Variants in SMG6 observed in about 807,000 individuals in gnomAD.
The protein encoded by SMG6 is SMG6 nonsense mediated mRNA decay factor.
In SMG6, 66 loss-of-function variants were observed where a neutral mutation model predicts 142.2. That is an observed-to-expected ratio of 0.46 (90% confidence interval 0.38 to 0.57). The LOEUF (loss-of-function observed/expected upper bound fraction) is 0.57. SMG6 is among the 20% of genes least tolerant of loss of function. The pLI is 0.00. For missense variants in SMG6, 1,793 were observed against 1,832.0 expected (o/e 0.98, Z 0.39); for synonymous variants, 779 against 702.4 (o/e 1.11, Z -1.72).
chr17:2,275,505 C>G (rs546634883), intron 8 of SMG6, among the ~76,000 whole-genome samples: 2 of 152,310 alleles, frequency 1.3e-5, no homozygotes, highest in East Asian at 3.9e-4. Context: ...CCCCAGCAGA[C>G]AGACATGTAT....
At chr17:2,242,823 T>A (rs1216258128) in intron 9 of SMG6, among the ~76,000 whole-genome samples, 1 of 151,764 alleles carries the variant, frequency 6.6e-6, no homozygotes. Context: ...TATCATCTTA[T>A]CCACCTTCAA....
intron 10 of SMG6, among the ~76,000 whole-genome samples, chr17:2,193,934 G>A (rs989902397): frequency 1.2e-4 from 19 of 152,154 alleles, no homozygotes; most frequent in African/African-American, 4.3e-4. Flanking sequence ...GGGTTCAAGC[G>A]ATTCTTCCGC....
At chr17:2,171,141 G>A (rs2071489209) in intron 13 of SMG6, among the ~76,000 whole-genome samples, 1 of 151,916 alleles carries the variant, frequency 6.6e-6, no homozygotes, top group Non-Finnish European at 1.5e-5. Flanking sequence ...AGGTATGAAG[G>A]TGGGTGCCTG....
At chr17:2,118,381 A>G (rs2069573765) in intron 13 of SMG6, among the ~76,000 whole-genome samples, 1 of 152,188 alleles carries the variant, frequency 6.6e-6, no homozygotes, top group Non-Finnish European at 1.5e-5. Context: ...TCTACTAAAA[A>G]TACAAAAATT....
Position 2,186,684 on chromosome 17 carries a change from G to A in SMG6, c.3134C>T (p.Thr1045Ile). ...TCACTGCGAGGGCAGATCCAGGGAT[G>A]TGGGAGGAGGATTCCAGGTGTCCGG... is the stretch of plus-strand genomic sequence containing the variant. ...GYPDTWNPPP[T>I]SLDLPSHVAV... Residue 1045 changes from threonine (T) to isoleucine (I), a missense_variant, in exon 12 of 19, where the codon ACA becomes ATA. Around this residue, in one of 3 missense-constraint regions of SMG6, gnomAD observed 1,597 missense variants for 1,584.6 expected, o/e 1.01. Transcript: ENST00000263073. 2 of 1,614,240 alleles carry A rather than the reference G, an allele frequency of 1.2e-6. No homozygotes were observed. Among genetic ancestry groups the A allele is most frequent in the Non-Finnish European group, 8.5e-7 (1 of 1,180,036 alleles).
chr17:2,082,914 G>A (rs946702569), intron 14 of SMG6, among the ~76,000 whole-genome samples: 2 of 152,108 alleles, frequency 1.3e-5, no homozygotes, highest in African/African-American at 2.4e-5. Flanking sequence ...GCCAGGTACC[G>A]GGCTACCCAT....
At chr17:2,092,267 G>C (rs1189453579) in intron 13 of SMG6, among the ~76,000 whole-genome samples, 1 of 152,108 alleles carries the variant, frequency 6.6e-6, no homozygotes, top group Non-Finnish European at 1.5e-5. Flanking sequence ...TAATCCCGGT[G>C]TCCAGATCCA....
Position 2,196,293 on chromosome 17 carries a change from G to A in SMG6, c.2870-7778C>T, listed in dbSNP as rs556249008. Among the ~76,000 whole-genome samples the A allele has an allele frequency of 6.6e-5, 10 of 152,214 alleles. No homozygotes were observed. In the East Asian group the frequency reaches 7.7e-4, roughly 12 times the overall value. ...AAAAATTAGCTGGGCGTGGCGGCGCGTGCCTGTAATCCCAGCTACTCGGGA... is the reference window on the plus strand; with the variant it reads ...AAAAATTAGCTGGGCGTGGCGGCGCATGCCTGTAATCCCAGCTACTCGGGA... On this transcript the variant is annotated intron_variant, in intron 10 of 18. Coordinates refer to ENST00000263073, the MANE Select transcript of SMG6 (RefSeq NM_017575.5).
chr17:2,100,310 T>C (rs149261211), intron 13 of SMG6, among the ~76,000 whole-genome samples: 1 of 152,308 alleles, frequency 6.6e-6, no homozygotes, highest in East Asian at 1.9e-4. Flanking sequence ...AGTGTTCAAG[T>C]ACAGGAGTGA....
chr17:2,208,867 T>C (rs1445419104), intron 10 of SMG6, among the ~76,000 whole-genome samples: 2 of 152,188 alleles, frequency 1.3e-5, no homozygotes, highest in South Asian at 2.1e-4. Flanking sequence ...ACACGTATCG[T>C]GGGATAGATA....
chr17:2,105,376 T>C (rs1006416015), intron 13 of SMG6, among the ~76,000 whole-genome samples: 1 of 150,706 alleles, frequency 6.6e-6, no homozygotes, highest in Non-Finnish European at 1.5e-5. Context: ...TGAAACCCAA[T>C]CTCTACTAAA....
At chr17:2,125,297 G>A (rs2069836539) in intron 13 of SMG6, among the ~76,000 whole-genome samples, 1 of 152,084 alleles carries the variant, frequency 6.6e-6, no homozygotes, top group African/African-American at 2.4e-5. Flanking sequence ...TTCTAACCAT[G>A]CATTCCATAC....
At chr17:2,268,255 C>G (rs985298161) in intron 8 of SMG6, among the ~76,000 whole-genome samples, 2 of 152,034 alleles carry the variant, frequency 1.3e-5, no homozygotes, top group Non-Finnish European at 1.5e-5. Flanking sequence ...AACTATAAAC[C>G]TAAAGCCTCA....
At chr17:2,217,887 G>A (rs2073061310) in intron 10 of SMG6, among the ~76,000 whole-genome samples, 1 of 152,042 alleles carries the variant, frequency 6.6e-6, no homozygotes, top group Admixed American at 6.6e-5. Flanking sequence ...GCGCACACCT[G>A]TAGTCCCAGC....
rs1399798744 is a variant in SMG6 at position 2,068,245 on chromosome 17, C to A, written c.3835+533G>T. Among the ~76,000 whole-genome samples the A allele has an allele frequency of 6.6e-6, 1 of 152,240 alleles. No homozygotes were observed. The highest frequency in any genetic ancestry group is 1.5e-5 in the Non-Finnish European group (1 of 68,044). On this transcript the variant is annotated intron_variant, in intron 16 of 18. Transcript: ENST00000263073. The surrounding 1 kb of genome is among the most constrained non-coding windows in gnomAD (Gnocchi z 6.7). ...TAAGGGCCCAAGTGGTAGGAATCCA[C>A]AGGCATGAGCCAAGGGCTTGCTCTG... is the stretch of plus-strand genomic sequence containing the variant.
At chr17:2,289,422 T>A (rs531375157) in intron 6 of SMG6, among the ~76,000 whole-genome samples, 2 of 151,822 alleles carry the variant, frequency 1.3e-5, no homozygotes, top group Non-Finnish European at 2.9e-5. Flanking sequence ...CTGGGTATGA[T>A]GGTGAGTGCC....
chr17:2,224,041 C>T (rs757414273), intron 10 of SMG6, among the ~76,000 whole-genome samples: 24 of 152,104 alleles, frequency 1.6e-4, no homozygotes, highest in Admixed American at 3.9e-4. Context: ...AATCAAACAG[C>T]TCATTATTCT....
At chr17:2,082,020 G>A in intron 14 of SMG6, 64 bp from the exon 15 acceptor site, 3 of 1,578,868 alleles carry the variant, frequency 1.9e-6, no homozygotes, top group Non-Finnish European at 2.6e-6. Flanking sequence ...GGCTCTTACT[G>A]AACCCAACAT....
intron 9 of SMG6, chr17:2,236,919 C>A: frequency 2.1e-6 from 2 of 932,852 alleles, no homozygotes. Context: ...ATGCTATTTC[C>A]TCACCCCTGG....
Sources: gnomAD v4.1 joint callset for allele counts (sites outside exome capture counted in the v4.1 genomes callset) on GRCh38, gnomAD v4.1.1 for gene constraint, gnomAD v4.1.1 regional missense constraint, Gnocchi (gnomAD v3.1) non-coding constraint, MANE v1.5 for transcripts, NCBI Gene and HGNC (gene_info 2026-07-23, HGNC 2026-07-21) for gene names.